JMJD1C: variants seen among roughly 807,000 people sequenced by gnomAD.
JMJD1C encodes jumonji domain-containing protein 1C.
In JMJD1C, 31 loss-of-function variants were observed where a neutral mutation model predicts 245.3. That is an observed-to-expected ratio of 0.13 (90% CI 0.09 to 0.17). The LOEUF is 0.17. Ranked by LOEUF, JMJD1C falls within the 10% of genes least tolerant of loss-of-function variation. The pLI, the probability that JMJD1C is intolerant of heterozygous loss-of-function variation, is 1.00. For synonymous variants in JMJD1C, 1,057 were observed against 1,017.4 expected, an observed-to-expected ratio of 1.04 and a Z score of -0.74; for missense variants, 2,691 against 3,000.2, an observed-to-expected ratio of 0.90 and a Z score of 2.41.
intron 1 of JMJD1C, among the ~76,000 whole-genome samples, chr10:63,512,127 T>G (rs1954889741): frequency 6.6e-6 from 1 of 152,206 alleles, no homozygotes; most frequent in Non-Finnish European, 1.5e-5. Context: ...AAGTACCATG[T>G]ATAGATACAC....
intron 2 of JMJD1C, among the ~76,000 whole-genome samples, chr10:63,287,319 G>C (rs1858101370): frequency 6.6e-6 from 1 of 152,242 alleles, no homozygotes; most frequent in Non-Finnish European, 1.5e-5. Flanking sequence ...AAACTCAGTA[G>C]GAGACAACAC....
intron 4 of JMJD1C, chr10:63,217,728 G>C (rs1848160178): frequency 6.6e-6 from 1 of 151,672 alleles, no homozygotes; most frequent in South Asian, 2.1e-4. Context: ...GTTTGTTTGA[G>C]TCTTCTAGTT....
At chr10:63,288,869 A>G (rs1204294099) in intron 2 of JMJD1C, among the ~76,000 whole-genome samples, 1 of 146,924 alleles carries the variant, frequency 6.8e-6, no homozygotes, top group East Asian at 2.0e-4. Context: ...ACAAAGTGAC[A>G]CTGTCTCATA....
chr10:63,221,545 G>A (rs577351241), intron 3 of JMJD1C, among the ~76,000 whole-genome samples: 1 of 152,258 alleles, frequency 6.6e-6, no homozygotes, highest in East Asian at 1.9e-4. Context: ...CATTTTGGGA[G>A]AAAGAAATGG....
intron 1 of JMJD1C, among the ~76,000 whole-genome samples, chr10:63,517,542 G>C (rs761660906): frequency 3.9e-5 from 6 of 152,136 alleles, no homozygotes; most frequent in Non-Finnish European, 7.4e-5. Context: ...GAAGAAAAGT[G>C]TCTTTGCAGA....
At chr10:63,297,111 G>A (rs1321714182) in intron 2 of JMJD1C, among the ~76,000 whole-genome samples, 2 of 152,082 alleles carry the variant, frequency 1.3e-5, no homozygotes, top group East Asian at 1.9e-4. Context: ...TAGTTGTGTC[G>A]ACAGCGAAGT....
At chr10:63,422,177 C>T (rs1336371683) in intron 1 of JMJD1C, among the ~76,000 whole-genome samples, 1 of 152,130 alleles carries the variant, frequency 6.6e-6, no homozygotes, top group Non-Finnish European at 1.5e-5. Context: ...TTTGGAAGAT[C>T]GAGGTGGGTG....
At chr10:63,285,304 G>A (rs1426253722) in intron 2 of JMJD1C, among the ~76,000 whole-genome samples, 1 of 152,162 alleles carries the variant, frequency 6.6e-6, no homozygotes, top group Non-Finnish European at 1.5e-5. Flanking sequence ...ACCTCTTTTG[G>A]AAGTGAGGGG....
At chr10:63,517,879 G>A (rs934990052) in intron 1 of JMJD1C, among the ~76,000 whole-genome samples, 6 of 136,054 alleles carry the variant, frequency 4.4e-5, no homozygotes, top group Admixed American at 1.7e-4. Flanking sequence ...TGCAACCTCC[G>A]CCTCCCAGGT....
At chr10:63,174,853 A>G (rs1842736170) in intron 24 of JMJD1C, among the ~76,000 whole-genome samples, 1 of 152,016 alleles carries the variant, frequency 6.6e-6, no homozygotes, top group Admixed American at 6.6e-5. Context: ...AAAAAACAAA[A>G]AACAAAAAAA....
chr10:63,480,145 T>A (rs568217674), intron 1 of JMJD1C, among the ~76,000 whole-genome samples: 1 of 152,240 alleles, frequency 6.6e-6, no homozygotes, highest in African/African-American at 2.4e-5. Context: ...GTTTGTCAAA[T>A]GAGACAACAA....
chr10:63,207,088 A>T lies in JMJD1C; in HGVS notation c.4581T>A (p.Ile1527=). ...PLDSTVICST[I]NKANSVGNGQ... ...CATTTCCTACAGAGTTTGCTTTGTT[A>T]ATTGTACTACAGATTACAGTGCTAT... The change falls in exon 10 of 26, where the codon ATT becomes ATA. Residue 1527 remains isoleucine (I), a synonymous_variant. Coordinates refer to ENST00000399262, the MANE Select transcript of JMJD1C (RefSeq NM_032776.3). The T allele has an allele frequency of 6.2e-7, 1 of 1,614,174 alleles. No homozygotes were observed.
rs1841989906 is a variant in JMJD1C, at chr10:63,167,876, G to A, written c.*169C>T. The A allele has an allele frequency of 1.9e-6, 1 of 526,740 alleles. No homozygotes were observed. Among genetic ancestry groups the A allele is most frequent in the Admixed American group, 3.3e-5 (1 of 30,754 alleles). The allele number at this position is 526,740 out of a possible 1,614,324, so 32.6% of individuals were successfully genotyped here. A position where few individuals can be genotyped will look rare whatever the true frequency, so the allele number is the denominator to read the frequency against. On this transcript the variant is annotated 3_prime_UTR_variant, in exon 26 of 26. Transcript: ENST00000399262. ...TGTTTTATAACATTGAATCACAGGA[G>A]CTGTGACATATGCTATACTGCTGTG...
chr10:63,217,409 G>A (rs1452100079), intron 4 of JMJD1C, 78 bp from the exon 5 acceptor site: 1 of 1,170,826 alleles, frequency 8.5e-7, no homozygotes, highest in Non-Finnish European at 1.2e-6. Context: ...GAAGAAACAT[G>A]AGCTAGTGTA....
chr10:63,182,378 A>G (rs909145180), intron 22 of JMJD1C, among the ~76,000 whole-genome samples: 4 of 152,224 alleles, frequency 2.6e-5, no homozygotes, highest in Admixed American at 1.3e-4. Flanking sequence ...AGAAAGATAC[A>G]CTGAATTATC....
intron 12 of JMJD1C, 110 bp downstream of exon 12, chr10:63,198,403 A>C (rs930125582): frequency 1.4e-5 from 10 of 692,550 alleles, no homozygotes; most frequent in Non-Finnish European, 2.2e-5. Context: ...TCATTATCAT[A>C]ATTAAAAATC....
At chr10:63,379,516 C>T (rs1383461997) in intron 2 of JMJD1C, among the ~76,000 whole-genome samples, 2 of 152,076 alleles carry the variant, frequency 1.3e-5, no homozygotes, top group African/African-American at 2.4e-5. Context: ...TGAAACATGT[C>T]CTGATAAGTA....
intron 2 of JMJD1C, among the ~76,000 whole-genome samples, chr10:63,309,597 A>G (rs1308100556): frequency 6.6e-6 from 1 of 151,952 alleles, no homozygotes; most frequent in Non-Finnish European, 1.5e-5. Context: ...ATGGTAACCA[A>G]TCCACATTGA....
intron 3 of JMJD1C, among the ~76,000 whole-genome samples, chr10:63,254,031 G>A (rs1439181562): frequency 6.6e-6 from 1 of 152,170 alleles, no homozygotes; most frequent in Non-Finnish European, 1.5e-5. Flanking sequence ...CTAAGGACCA[G>A]TACTGTTTTG....
Sources: gnomAD v4.1 joint callset for allele counts (sites outside exome capture counted in the v4.1 genomes callset) on GRCh38, gnomAD v4.1.1 for gene constraint, MANE v1.5 for transcripts, NCBI Gene and HGNC (gene_info 2026-07-23, HGNC 2026-07-21) for gene names.